The following USH2A variants were observed in gnomAD, a reference collection of about 807,000 sequenced individuals.
The protein encoded by USH2A is Usher syndrome 2A (autosomal recessive, mild).
Under a neutral mutation model 538.9 loss-of-function variants are expected in USH2A, and 443 were observed. The ratio of observed to expected loss-of-function variants is 0.82; its 90% CI spans 0.76 to 0.89. The LOEUF is 0.89. USH2A is among the 40% of genes least tolerant of loss of function. The probability of loss-of-function intolerance (pLI) is 0.00; values close to 1 mark genes in which losing one functional copy is unlikely to be tolerated. For missense variants in USH2A, 6,633 were observed against 6,324.8 expected (o/e 1.05, Z -1.65); for synonymous variants, 2,413 against 2,273.5 (o/e 1.06, Z -1.75).
intron 11 of USH2A, among the ~76,000 whole-genome samples, chr1:216,276,888 A>T (rs1236638091): frequency 6.6e-6 from 1 of 152,152 alleles, no homozygotes; most frequent in African/African-American, 2.4e-5. Flanking sequence ...ACACGTGGGA[A>T]TTATGGGAGC....
intron 27 of USH2A, among the ~76,000 whole-genome samples, chr1:216,075,588 T>C (rs1031053503): frequency 2.0e-5 from 3 of 152,100 alleles, no homozygotes; most frequent in Admixed American, 2.0e-4. Flanking sequence ...GCAGAGTGCT[T>C]GGCTTGGCAG....
At chr1:216,376,171 C>A (rs2038815557) in intron 3 of USH2A, among the ~76,000 whole-genome samples, 1 of 152,050 alleles carries the variant, frequency 6.6e-6, no homozygotes, top group Admixed American at 6.6e-5. Flanking sequence ...TAATATATGA[C>A]ATGTTTGCCT....
chr1:215,659,167 A>C (rs1657360846), intron 64 of USH2A, among the ~76,000 whole-genome samples: 1 of 152,244 alleles, frequency 6.6e-6, no homozygotes, highest in Non-Finnish European at 1.5e-5. Context: ...GGTGATATAC[A>C]TAAGGTGATA....
At chr1:216,109,771 T>C (rs1310930286) in intron 21 of USH2A, among the ~76,000 whole-genome samples, 3 of 152,326 alleles carry the variant, frequency 2.0e-5, no homozygotes, top group African/African-American at 7.2e-5. Flanking sequence ...TCAATTTATG[T>C]CCAACTTTTA....
chr1:215,826,275 C>A (rs1326347740), intron 47 of USH2A, among the ~76,000 whole-genome samples: 1 of 152,124 alleles, frequency 6.6e-6, no homozygotes, highest in Non-Finnish European at 1.5e-5. Context: ...GCTCTTTTGG[C>A]ACCACAAGTG....
At chr1:215,680,477 C>A in intron 61 of USH2A, 101 bp from the exon 62 acceptor site, 2 of 1,153,096 alleles carry the variant, frequency 1.7e-6, no homozygotes, top group Non-Finnish European at 2.6e-6. Context: ...AGCTTGTAGG[C>A]AACAGCAGCG....
intron 27 of USH2A, among the ~76,000 whole-genome samples, chr1:216,075,720 T>A (rs1371641648): frequency 1.3e-5 from 2 of 152,142 alleles, no homozygotes; most frequent in African/African-American, 2.4e-5. Context: ...ATTATCCTCA[T>A]TGATCATTCT....
chr1:215,954,652 C>A (rs1156401238), intron 37 of USH2A, among the ~76,000 whole-genome samples: 1 of 151,704 alleles, frequency 6.6e-6, no homozygotes, highest in Non-Finnish European at 1.5e-5. Flanking sequence ...CAACATGGCA[C>A]ATGTATACAT....
intron 35 of USH2A, among the ~76,000 whole-genome samples, chr1:215,979,380 C>T (rs979560999): frequency 6.6e-5 from 10 of 152,096 alleles, no homozygotes; most frequent in African/African-American, 2.4e-4. Flanking sequence ...AATTTGGGGC[C>T]TTGAATGACA....
intron 43 of USH2A, 55 bp downstream of exon 43, chr1:215,877,703 C>A: frequency 6.2e-7 from 1 of 1,610,550 alleles, no homozygotes. Context: ...TTGAACTATT[C>A]AACATGCCCA....
At chr1:215,883,307 T>C (rs550181697) in intron 41 of USH2A, among the ~76,000 whole-genome samples, 1 of 152,300 alleles carries the variant, frequency 6.6e-6, no homozygotes, top group South Asian at 2.1e-4. Context: ...TTGATTTGTC[T>C]GTAGTATGTG....
At chr1:215,958,617 A>C (rs1276862458) in intron 37 of USH2A, among the ~76,000 whole-genome samples, 1 of 152,046 alleles carries the variant, frequency 6.6e-6, no homozygotes, top group African/African-American at 2.4e-5. Flanking sequence ...TTTATACTCT[A>C]TCTTTTCTAC....
chr1:215,816,962 A>C, intron 48 of USH2A, 35 bp downstream of exon 48: 1 of 1,607,750 alleles, frequency 6.2e-7, no homozygotes, highest in Non-Finnish European at 8.5e-7. Context: ...TGAGTGAGAA[A>C]AACATGGTTC....
chr1:215,969,314 C>A (rs1185276024), intron 36 of USH2A, among the ~76,000 whole-genome samples: 1 of 152,078 alleles, frequency 6.6e-6, no homozygotes, highest in African/African-American at 2.4e-5. Flanking sequence ...TTTTACAACC[C>A]AATTCTATTC....
At chr1:216,371,002 A>G (rs896233244) in intron 3 of USH2A, among the ~76,000 whole-genome samples, 1 of 152,144 alleles carries the variant, frequency 6.6e-6, no homozygotes, top group Non-Finnish European at 1.5e-5. Flanking sequence ...CTGCTTCACA[A>G]TGGTGTTGTC....
chr1:216,279,557 T>C lies in USH2A; in HGVS notation c.1971+9723A>G, dbSNP rs981307205. Among the ~76,000 whole-genome samples, 11 of 152,258 alleles carry C rather than the reference T, an allele frequency of 7.2e-5. No individual in the cohort carries two copies. In the East Asian group the frequency reaches 1.7e-3, roughly 24 times the overall value. ...GGCAATTGTATCATCTGGGAACTTTTACACATGTAAAATCTGAGCCCCAAC... is the reference window on the plus strand; with the variant it reads ...GGCAATTGTATCATCTGGGAACTTTCACACATGTAAAATCTGAGCCCCAAC... On this transcript the variant is annotated intron_variant, in intron 11 of 71. Coordinates refer to ENST00000307340, the MANE Select transcript of USH2A (RefSeq NM_206933.4).
intron 38 of USH2A, among the ~76,000 whole-genome samples, chr1:215,915,154 C>T (rs1022607928): frequency 6.6e-6 from 1 of 152,072 alleles, no homozygotes; most frequent in African/African-American, 2.4e-5. Flanking sequence ...CACAAGACCA[C>T]ACAAGTAATG....
rs142166396 is a variant in USH2A, at chr1:215,991,674, C to T, written c.6805+1346G>A. Among the ~76,000 whole-genome samples, 990 of 152,216 alleles carry T rather than the reference C, an allele frequency of 6.5e-3. 13 individuals carry two copies. Among genetic ancestry groups the T allele is most frequent in the African/African-American group, 0.022 (918 of 41,520 alleles). The stretch of plus-strand genomic sequence containing the variant: ...ACTGCTTGCAAATATACAAAACATA[C>T]GCAAATACACAAAACATTCAAAGAG... On this transcript the variant is annotated intron_variant, in intron 35 of 71. Transcript: ENST00000307340.
rs541695186 is a variant in USH2A at position 216,137,482 on chromosome 1, G to A, written c.4627+37770C>T. Among the ~76,000 whole-genome samples, 9 of 151,894 alleles carry A rather than the reference G, an allele frequency of 5.9e-5. No individual in the cohort carries two copies. In the East Asian group the frequency reaches 1.3e-3, roughly 23 times the overall value. On this transcript the variant is annotated intron_variant, in intron 21 of 71. Transcript: ENST00000307340. ...ACTATCATGAGAATATCATGTAAAA[G>A]AGTTTATTAACTCATGATCACAGGG...
Sources: gnomAD v4.1 joint callset for allele counts (sites outside exome capture counted in the v4.1 genomes callset) on GRCh38, gnomAD v4.1.1 for gene constraint, MANE v1.5 for transcripts, NCBI Gene and HGNC (gene_info 2026-07-23, HGNC 2026-07-21) for gene names.